YWHAZ: variants seen among roughly 807,000 people sequenced by gnomAD.
YWHAZ encodes tyrosine 3-monooxygenase/tryptophan 5-monooxygenase activation protein zeta, also known as 14-3-3 protein zeta/delta.
For missense variants in YWHAZ, 79 were observed against 284.8 expected, an observed-to-expected ratio of 0.28 and a Z score of 5.20; for synonymous variants, 87 against 103.6, an observed-to-expected ratio of 0.84 and a Z score of 0.97.
rs752337619 is a variant in YWHAZ, at chr8:100,948,618, C to G, written c.272G>C (p.Arg91Thr). The change falls in exon 2 of 6, where the codon AGA (arginine) becomes ACA (threonine). Residue 91 changes from arginine (R) to threonine (T), a missense_variant. Transcript: ENST00000395958. This position sits in a 1 kb window ranked among gnomAD's most constrained non-coding sequence, Gnocchi z 4.2. ...EYREKIETEL[R>T]DICNDVLSLL... ...CACCAGTACATCATTGCAGATATCT[C>G]TTAGCTCCGTCTCAATTTTCTCTCT... 10 of 1,611,256 alleles carry G rather than the reference C, an allele frequency of 6.2e-6. No individual in the cohort carries two copies. In the African/African-American group the frequency reaches 1.2e-4, roughly 19 times the overall value.
chr8:100,923,636 G>T, intron 5 of YWHAZ: 1 of 185,784 alleles, frequency 5.4e-6, no homozygotes, highest in Non-Finnish European at 1.1e-5. Context: ...TACCAATATG[G>T]AGGCAACTTG....
upstream of YWHAZ, chr8:100,953,071 C>T: frequency 2.0e-6 from 2 of 996,306 alleles, no homozygotes; most frequent in Non-Finnish European, 2.4e-6. Flanking sequence ...GAAGGAGGCG[C>T]GGCCGCTTTA....
At chr8:100,953,183 C>A, upstream of YWHAZ, 1 of 985,596 alleles carries the variant, frequency 1.0e-6, no homozygotes, top group East Asian at 1.1e-4. Flanking sequence ...GGCGTGACCG[C>A]ACGGACCCGT....
At chr8:100,943,260 G>A (rs918497875) in intron 2 of YWHAZ, among the ~76,000 whole-genome samples, 1 of 152,202 alleles carries the variant, frequency 6.6e-6, no homozygotes, top group Admixed American at 6.5e-5. Context: ...ACTGTCAAGA[G>A]TAAAGCAAAA....
chr8:100,950,565 CTG>C, intron 1 of YWHAZ: 1 of 985,442 alleles, frequency 1.0e-6, no homozygotes, highest in Non-Finnish European at 1.2e-6. Context: ...CATGGCGGAT[CTG>C]TGTCAGGGAG....
At position 100,920,259 on chromosome 8, in the gene YWHAZ, G is replaced by C. The variant is rs1480546471; in HGVS notation, c.*434C>G. ...TGGGGTATGATTCTACCACAGCCTT[G>C]TAAGTGCTCCAAACCTTAAAGTACC... On this transcript the variant is annotated 3_prime_UTR_variant, in exon 6 of 6. Transcript: ENST00000395958. 2.3e-5 allele frequency: 4 copies of C among 170,732 alleles called. No individual in the cohort carries two copies. Among genetic ancestry groups the C allele is most frequent in the African/African-American group, 7.2e-5 (3 of 41,614 alleles). 10.6% of individuals were successfully genotyped at this position (170,732 alleles called of 1,614,324 possible). A position where few individuals can be genotyped will look rare whatever the true frequency, so the allele number is the denominator to read the frequency against.
chr8:100,937,690 GAAGA>G (rs1233148377), intron 2 of YWHAZ, among the ~76,000 whole-genome samples: 1 of 152,104 alleles, frequency 6.6e-6, no homozygotes, highest in East Asian at 1.9e-4. Context: ...AACAACAAAT[GAAGA>G]GAGAGACATT....
At chr8:100,938,095 A>G (rs946219466) in intron 2 of YWHAZ, among the ~76,000 whole-genome samples, 4 of 151,992 alleles carry the variant, frequency 2.6e-5, no homozygotes, top group African/African-American at 7.3e-5. Flanking sequence ...ATGCCATTGT[A>G]CTCCAGCCTG....
intron 2 of YWHAZ, among the ~76,000 whole-genome samples, chr8:100,943,315 T>C (rs1304276365): frequency 2.6e-5 from 4 of 152,212 alleles, no homozygotes; most frequent in Non-Finnish European, 5.9e-5. Context: ...CCAGGAATTC[T>C]ACAAAAAATT....
At chr8:100,952,844 C>T, upstream of YWHAZ, 1 of 1,000,420 alleles carries the variant, frequency 1.0e-6, no homozygotes, top group Non-Finnish European at 1.2e-6. Flanking sequence ...GCCGCCGCGG[C>T]TTTACCTGCT....
At chr8:100,951,895 G>A (rs1810817091) in intron 1 of YWHAZ, 34 bp downstream of exon 1, 2 of 992,746 alleles carry the variant, frequency 2.0e-6, no homozygotes, top group Non-Finnish European at 1.2e-6. Flanking sequence ...GCCTGGGACA[G>A]GAAGCGAGGC....
At chr8:100,923,008 TAAAC>T (rs984986459) in intron 5 of YWHAZ, 10 of 152,212 alleles carry the variant, frequency 6.6e-5, no homozygotes, top group Admixed American at 3.3e-4. Context: ...TTAGGTTTAA[TAAAC>T]AAGTATACAA....
chr8:100,951,850 G>C, intron 1 of YWHAZ, 79 bp downstream of exon 1: 1 of 986,926 alleles, frequency 1.0e-6, no homozygotes, highest in African/African-American at 1.7e-5. Context: ...ATGAGGGGAC[G>C]GAGCGAGGAC....
In YWHAZ at chr8:100,948,417, C is replaced by T. The variant is rs190951431; in HGVS notation, c.294+179G>A. 1.5e-3 allele frequency among the ~76,000 whole-genome samples: 234 copies of T among 152,290 alleles called. 1 individual carries two copies. The highest frequency in any genetic ancestry group is 5.2e-3 in the African/African-American group (218 of 41,550). On this transcript the variant is annotated intron_variant, in intron 2 of 5. Coordinates refer to ENST00000395958, the MANE Select transcript of YWHAZ (RefSeq NM_145690.3). This position sits in a 1 kb window ranked among gnomAD's most constrained non-coding sequence, Gnocchi z 4.2. ...CATAATCATTGTTGCAATTATTTTA[C>T]ATACACGTATCTATAATTGTCTTAA... is the stretch of plus-strand genomic sequence containing the variant.
upstream of YWHAZ, chr8:100,952,164 G>C (rs920848537): frequency 4.0e-5 from 39 of 985,132 alleles, no homozygotes; most frequent in African/African-American, 5.2e-5. Context: ...ACAGCGATCG[G>C]GGCCCCGCGT....
intron 2 of YWHAZ, among the ~76,000 whole-genome samples, chr8:100,939,378 C>G (rs78215927): frequency 3.3e-5 from 5 of 152,078 alleles, no homozygotes; most frequent in Admixed American, 6.6e-5. Context: ...GAACATCTAA[C>G]GCTGGGCACG....
chr8:100,937,124 CAT>C (rs1225222820), intron 2 of YWHAZ, among the ~76,000 whole-genome samples: 3 of 152,138 alleles, frequency 2.0e-5, no homozygotes, highest in Non-Finnish European at 2.9e-5. Context: ...TAGTTATTAA[CAT>C]GTGGACAATC....
rs35069019 is a variant in YWHAZ at position 100,934,157 on chromosome 8, C to CAAAAAA, written c.295-9124_295-9119dup. ...CTGGGCAACAAAGCTAGACTCGTCT[C>CAAAAAA]AAAAAAAAAAAAAAAAAAAAAAAAA... is the stretch of plus-strand genomic sequence containing the variant. On this transcript the variant is annotated intron_variant, in intron 2 of 5. Coordinates refer to ENST00000395958, the MANE Select transcript of YWHAZ (RefSeq NM_145690.3). 5.1e-4 allele frequency among the ~76,000 whole-genome samples: 40 copies of CAAAAAA among 78,194 alleles called. 7 individuals are homozygous for CAAAAAA. Among genetic ancestry groups the CAAAAAA allele is most frequent in the African/African-American group, 1.2e-3 (25 of 20,464 alleles). 51.3% of individuals were successfully genotyped at this position (78,194 alleles called of 152,430 possible). A position where few individuals can be genotyped will look rare whatever the true frequency, so the allele number is the denominator to read the frequency against.
upstream of YWHAZ, chr8:100,953,098 G>C (rs1050657962): frequency 1.2e-5 from 12 of 990,294 alleles, no homozygotes; most frequent in Non-Finnish European, 2.4e-6. Flanking sequence ...CCAGAGTTCC[G>C]AGGGGAAAGG....
Sources: allele counts gnomAD v4.1 joint callset (sites outside exome capture counted in the v4.1 genomes callset), GRCh38; gene constraint gnomAD v4.1.1; non-coding constraint Gnocchi (gnomAD v3.1); transcripts MANE v1.5; gene names NCBI Gene and HGNC (gene_info 2026-07-23, HGNC 2026-07-21).